NKAIN3: variants seen among roughly 807,000 people sequenced by gnomAD.
The protein encoded by NKAIN3 is sodium/potassium transporting ATPase interacting 3, also known as sodium/potassium-transporting ATPase subunit beta-1-interacting protein 3.
NKAIN3 carries 25 observed loss-of-function variants against 30.2 expected under a neutral mutation model. The observed-to-expected ratio is 0.83, with a 90% CI of 0.60 to 1.16. The LOEUF is 1.16. Among genes scored for constraint, NKAIN3 ranks in the 50% most tolerant of loss-of-function variants. NKAIN3 has a pLI of 0.00. For synonymous variants in NKAIN3, 91 were observed against 89.6 expected, an observed-to-expected ratio of 1.02 and a Z score of -0.09; for missense variants, 225 against 254.1, an observed-to-expected ratio of 0.89 and a Z score of 0.78.
chr8:62,614,255 C>T (rs1263054388), intron 3 of NKAIN3, among the ~76,000 whole-genome samples: 1 of 152,214 alleles, frequency 6.6e-6, no homozygotes, highest in East Asian at 1.9e-4. Context: ...CTTGCAGACT[C>T]ATAGGAATAC....
chr8:62,700,526 C>T lies in NKAIN3; in HGVS notation c.274-46406C>T, dbSNP rs187271391. On this transcript the variant is annotated intron_variant, in intron 3 of 6. Coordinates refer to ENST00000623646, the MANE Select transcript of NKAIN3 (RefSeq NM_001304533.3). ...CTGCAGACTCCCAGAAATATAATCT[C>T]TTTTTCCATTCATCCCCTAATTCAA... Among the ~76,000 whole-genome samples the T allele has an allele frequency of 3.9e-5, 6 of 152,298 alleles. No individual in the cohort carries two copies. In the East Asian group the frequency reaches 7.7e-4, roughly 20 times the overall value.
chr8:62,744,466 G>A (rs148459659), intron 3 of NKAIN3, among the ~76,000 whole-genome samples: 4 of 152,230 alleles, frequency 2.6e-5, no homozygotes, highest in African/African-American at 9.6e-5. Flanking sequence ...TTTAGTTAAA[G>A]TCATACTGAA....
At chr8:62,819,387 ACTGTTCTC>A (rs1460615505) in intron 4 of NKAIN3, among the ~76,000 whole-genome samples, 2 of 151,928 alleles carry the variant, frequency 1.3e-5, no homozygotes, top group Non-Finnish European at 2.9e-5. Context: ...ATTCATTAAC[ACTGTTCTC>A]CCTGTGCTAA....
intron 4 of NKAIN3, among the ~76,000 whole-genome samples, chr8:62,879,918 A>G (rs149030573): frequency 6.6e-6 from 1 of 152,268 alleles, no homozygotes; most frequent in East Asian, 1.9e-4. Flanking sequence ...ACATGCCTCC[A>G]TTCCAAGTCC....
At chr8:62,489,692 C>G (rs1330972834) in intron 1 of NKAIN3, among the ~76,000 whole-genome samples, 1 of 152,192 alleles carries the variant, frequency 6.6e-6, no homozygotes, top group Non-Finnish European at 1.5e-5. Context: ...ATGAGGAAAT[C>G]AATAACCAAG....
At chr8:62,991,987 T>C (rs1407356041) in intron 5 of NKAIN3, among the ~76,000 whole-genome samples, 4 of 150,052 alleles carry the variant, frequency 2.7e-5, no homozygotes, top group Non-Finnish European at 5.9e-5. Flanking sequence ...ACTGCTCCCC[T>C]CGCCACCCCA....
At chr8:62,940,952 AG>A (rs1392756543) in intron 5 of NKAIN3, among the ~76,000 whole-genome samples, 3 of 152,058 alleles carry the variant, frequency 2.0e-5, no homozygotes, top group African/African-American at 7.2e-5. Context: ...AAAATACAAA[AG>A]ATAAGTGAAA....
intron 3 of NKAIN3, among the ~76,000 whole-genome samples, chr8:62,741,368 A>G (rs1467113300): frequency 3.7e-5 from 3 of 81,164 alleles, no homozygotes; most frequent in South Asian, 8.2e-4. Context: ...AGAAAGAAGG[A>G]AGGAAGGAAG....
intron 1 of NKAIN3, among the ~76,000 whole-genome samples, chr8:62,528,332 T>C (rs1338558913): frequency 3.5e-5 from 1 of 28,432 alleles, no homozygotes; most frequent in African/African-American, 1.5e-4. Context: ...ATAATATATA[T>C]ATTATATAAT....
At chr8:62,596,687 C>T (rs1362166944) in intron 3 of NKAIN3, among the ~76,000 whole-genome samples, 10 of 151,988 alleles carry the variant, frequency 6.6e-5, no homozygotes, top group Non-Finnish European at 1.0e-4. Flanking sequence ...CCGTTATCAC[C>T]GACCACTGCA....
rs534625639 is a variant in NKAIN3 at position 62,856,113 on chromosome 8, T to C, written c.472-62340T>C. 8 of 714,246 alleles carry C rather than the reference T, an allele frequency of 1.1e-5. No individual in the cohort carries two copies. In the East Asian group the frequency reaches 2.0e-4, roughly 18 times the overall value. The allele number at this position is 714,246 out of a possible 1,614,324, so 44.2% of individuals were successfully genotyped here. ...ATCAAACTGTTTTAACTCTTCTGTT[T>C]CCCCTTTCTCCATTATAATCTGAGA... On this transcript the variant is annotated intron_variant, in intron 4 of 6. Coordinates refer to ENST00000623646, the MANE Select transcript of NKAIN3 (RefSeq NM_001304533.3).
chr8:62,485,564 C>T (rs988627770), intron 1 of NKAIN3, among the ~76,000 whole-genome samples: 5 of 151,964 alleles, frequency 3.3e-5, no homozygotes, highest in African/African-American at 9.7e-5. Flanking sequence ...TATTTTATGC[C>T]AAGAAGTTTG....
intron 4 of NKAIN3, among the ~76,000 whole-genome samples, chr8:62,891,596 C>A (rs192762351): frequency 3.1e-4 from 47 of 152,214 alleles, no homozygotes; most frequent in Admixed American, 9.8e-4. Flanking sequence ...GCAAGTGTCG[C>A]TGCGTGGTGG....
intron 1 of NKAIN3, among the ~76,000 whole-genome samples, chr8:62,329,353 T>G (rs1815258236): frequency 6.6e-6 from 1 of 152,136 alleles, no homozygotes; most frequent in South Asian, 2.1e-4. Flanking sequence ...ATTTCAATTT[T>G]TATCATGGAT....
intron 2 of NKAIN3, among the ~76,000 whole-genome samples, chr8:62,585,617 C>T (rs2130087430): frequency 6.6e-6 from 1 of 152,234 alleles, no homozygotes; most frequent in Non-Finnish European, 1.5e-5. Context: ...AGATCCCTCG[C>T]ATGGGTAGTT....
chr8:62,477,619 T>G (rs976092967), intron 1 of NKAIN3, among the ~76,000 whole-genome samples: 2 of 152,156 alleles, frequency 1.3e-5, no homozygotes, highest in African/African-American at 4.8e-5. Flanking sequence ...GATGCTTGCT[T>G]CATTTTGTGG....
intron 1 of NKAIN3, among the ~76,000 whole-genome samples, chr8:62,532,426 T>G (rs1032547080): frequency 1.4e-4 from 5 of 36,268 alleles, no homozygotes; most frequent in African/African-American, 5.7e-4. Flanking sequence ...CTGGCTGCAT[T>G]CTAATGAATG....
At chr8:62,893,980 G>A (rs1386272270) in intron 4 of NKAIN3, among the ~76,000 whole-genome samples, 1 of 152,074 alleles carries the variant, frequency 6.6e-6, no homozygotes, top group Non-Finnish European at 1.5e-5. Flanking sequence ...CCAGGATACC[G>A]GACATAAAAT....
At position 62,805,533 on chromosome 8, in the gene NKAIN3, G is replaced by C. The variant is rs1342372206; in HGVS notation, c.471+58404G>C. ...ACTATCTGATCTTTGACAAACCTGA[G>C]AAAAACAAGAAATGGGGAAAGGATT... On this transcript the variant is annotated intron_variant, in intron 4 of 6. Transcript: ENST00000623646. 3.9e-5 allele frequency among the ~76,000 whole-genome samples: 6 copies of C among 152,130 alleles called. No homozygotes were observed. The East Asian group carries it at 5.8e-4, about 15-fold the overall frequency.
Sources: gnomAD v4.1 joint callset for allele counts (sites outside exome capture counted in the v4.1 genomes callset) on GRCh38, gnomAD v4.1.1 for gene constraint, MANE v1.5 for transcripts, NCBI Gene and HGNC (gene_info 2026-07-23, HGNC 2026-07-21) for gene names.